Variants in IFT81 observed in about 807,000 individuals in gnomAD.
IFT81 encodes the protein intraflagellar transport 81, also known as intraflagellar transport protein 81 homolog.
A neutral mutation model predicts 102.6 loss-of-function variants in IFT81; 72 were observed. That is an observed-to-expected ratio of 0.70 (90% CI 0.58 to 0.85). IFT81 has a LOEUF of 0.85. IFT81 is among the 40% of genes least tolerant of loss of function. The pLI is 0.00. For synonymous variants in IFT81, 237 were observed against 242.7 expected, an observed-to-expected ratio of 0.98 and a Z score of 0.22; for missense variants, 723 against 787.3, an observed-to-expected ratio of 0.92 and a Z score of 0.98.
At chr12:110,155,319 GTTTT>G (rs939758699) in intron 10 of IFT81, among the ~76,000 whole-genome samples, 2 of 151,342 alleles carry the variant, frequency 1.3e-5, no homozygotes, top group Non-Finnish European at 2.9e-5. Flanking sequence ...TTCTTGGGGG[GTTTT>G]TTTTGAGATG....
intron 10 of IFT81, among the ~76,000 whole-genome samples, chr12:110,157,177 G>A (rs542711534): frequency 9.2e-5 from 14 of 152,026 alleles, no homozygotes; most frequent in East Asian, 1.9e-4. Context: ...GTGAAACCCC[G>A]TCTCTACCAA....
intron 12 of IFT81, among the ~76,000 whole-genome samples, chr12:110,181,371 T>C (rs1349628575): frequency 6.6e-6 from 1 of 152,256 alleles, no homozygotes; most frequent in Non-Finnish European, 1.5e-5. Flanking sequence ...ATTTCTATTG[T>C]GATTTCTTTG....
At chr12:110,153,010 T>C (rs1895626271) in intron 10 of IFT81, among the ~76,000 whole-genome samples, 2 of 152,242 alleles carry the variant, frequency 1.3e-5, no homozygotes, top group Admixed American at 6.5e-5. Flanking sequence ...TAAATTCTCA[T>C]GAAGTCCAAT....
chr12:110,165,880 A>G (rs938462494), intron 11 of IFT81, among the ~76,000 whole-genome samples: 6 of 152,238 alleles, frequency 3.9e-5, no homozygotes, highest in African/African-American at 1.4e-4. Flanking sequence ...GAGAAACTCA[A>G]AGGCTCAGTC....
Position 110,209,238 on chromosome 12 carries a change from T to G in IFT81, c.1848+22T>G, listed in dbSNP as rs1014163907. ...AAAGGTAAGAATTATTATTTATTTT[T>G]TTAAATGTGTCTAACTGATTCAGGC... On this transcript the variant is annotated intron_variant, in intron 18 of 18. Transcript: ENST00000242591. 4.7e-6 allele frequency: 6 copies of G among 1,286,528 alleles called. No individual in the cohort carries two copies. In the African/African-American group the frequency reaches 5.9e-5, roughly 13 times the overall value. The allele number at this position is 1,286,528 out of a possible 1,614,324, so 79.7% of individuals were successfully genotyped here. A position where few individuals can be genotyped will look rare whatever the true frequency, so the allele number is the denominator to read the frequency against.
chr12:110,178,427 A>AG (rs1897140262), intron 11 of IFT81, among the ~76,000 whole-genome samples: 1 of 151,422 alleles, frequency 6.6e-6, no homozygotes, highest in Non-Finnish European at 1.5e-5. Context: ...AAAAAAAAAA[A>AG]AAAGAAAGAA....
intron 9 of IFT81, among the ~76,000 whole-genome samples, chr12:110,146,071 CA>C (rs1437027836): frequency 6.6e-6 from 1 of 152,168 alleles, no homozygotes; most frequent in East Asian, 1.9e-4. Flanking sequence ...CTCAGCCTCC[CA>C]AAGTGCTTCA....
At chr12:110,205,313 TAAAC>T in intron 15 of IFT81, 126 bp from the exon 16 acceptor site, 1 of 980,346 alleles carries the variant, frequency 1.0e-6, no homozygotes, top group Non-Finnish European at 1.4e-6. Flanking sequence ...TGTGCTAGAA[TAAAC>T]AAAGTTAAAA....
intron 14 of IFT81, among the ~76,000 whole-genome samples, chr12:110,203,048 C>G (rs1028500259): frequency 6.6e-6 from 1 of 151,968 alleles, no homozygotes; most frequent in Non-Finnish European, 1.5e-5. Flanking sequence ...GGTGGATCAC[C>G]TGAGATCAGG....
At chr12:110,173,648 T>TG (rs1198571851) in intron 11 of IFT81, among the ~76,000 whole-genome samples, 2 of 152,234 alleles carry the variant, frequency 1.3e-5, no homozygotes, top group Admixed American at 6.5e-5. Flanking sequence ...GGGATCCTGT[T>TG]GATCTGTGAC....
intron 1 of IFT81, 129 bp downstream of exon 1, chr12:110,124,990 C>G (rs1458302241): frequency 1.3e-5 from 2 of 152,204 alleles, no homozygotes; most frequent in African/African-American, 2.4e-5. Flanking sequence ...TTGTCCTTAT[C>G]GAGTGACCAT....
rs1894394111 is a variant in IFT81 at position 110,135,018 on chromosome 12, G to A, written c.585+5G>A. The A allele has an allele frequency of 6.2e-7, 1 of 1,603,332 alleles. No homozygotes were observed. The highest frequency in any genetic ancestry group is 8.5e-7 in the Non-Finnish European group (1 of 1,173,924). ...GTTGAACATTTGAAGAAAAGGGTAA[G>A]GCAGAATTAGTACTGTAAGACTTTG... On this transcript the variant is annotated splice_donor_5th_base_variant and intron_variant, in intron 6 of 18. Coordinates refer to ENST00000242591, the MANE Select transcript of IFT81 (RefSeq NM_014055.4).
chr12:110,177,670 A>T (rs185217010), intron 11 of IFT81, among the ~76,000 whole-genome samples: 21 of 152,408 alleles, frequency 1.4e-4, no homozygotes, highest in Non-Finnish European at 2.8e-4. Flanking sequence ...TTTTAATCTT[A>T]GTATTTTAAA....
chr12:110,135,243 T>G (rs1894414778), intron 6 of IFT81, 84 bp from the exon 7 acceptor site: 1 of 849,972 alleles, frequency 1.2e-6, no homozygotes, highest in Non-Finnish European at 1.9e-6. Context: ...AAGGAAATGA[T>G]AAGTGGATGT....
At chr12:110,159,573 G>C (rs1446045149) in intron 10 of IFT81, among the ~76,000 whole-genome samples, 1 of 152,146 alleles carries the variant, frequency 6.6e-6, no homozygotes, top group African/African-American at 2.4e-5. Context: ...TAAATGTCTG[G>C]CTTCCAAAAG....
chr12:110,144,856 G>A (rs1895110875), intron 9 of IFT81, among the ~76,000 whole-genome samples: 1 of 141,346 alleles, frequency 7.1e-6, no homozygotes, highest in African/African-American at 2.7e-5. Flanking sequence ...TAGGTCAGGT[G>A]CAGTGCCTTT....
intron 10 of IFT81, among the ~76,000 whole-genome samples, chr12:110,152,970 T>C (rs956450337): frequency 6.6e-6 from 1 of 152,246 alleles, no homozygotes; most frequent in Non-Finnish European, 1.5e-5. Context: ...TTTTACTCTG[T>C]TGACAGTGTC....
intron 14 of IFT81, among the ~76,000 whole-genome samples, chr12:110,198,337 T>C (rs1020365792): frequency 6.6e-6 from 1 of 152,116 alleles, no homozygotes; most frequent in African/African-American, 2.4e-5. Flanking sequence ...TCTTTTATTT[T>C]GTTGAAGGGT....
intron 18 of IFT81, among the ~76,000 whole-genome samples, chr12:110,212,114 G>A (rs187969537): frequency 6.6e-6 from 1 of 152,014 alleles, no homozygotes; most frequent in Admixed American, 6.6e-5. Context: ...AAAAACATAT[G>A]TGTGTCTATC....
Sources: allele counts gnomAD v4.1 joint callset (sites outside exome capture counted in the v4.1 genomes callset), GRCh38; gene constraint gnomAD v4.1.1; transcripts MANE v1.5; gene names NCBI Gene and HGNC (gene_info 2026-07-23, HGNC 2026-07-21).